Variants in ITGA6 observed in about 807,000 individuals in gnomAD.
ITGA6 encodes integrin subunit alpha 6, also known as integrin alpha-6.
In ITGA6, 63 loss-of-function variants were observed where a neutral mutation model predicts 133.6. The ratio of observed to expected loss-of-function variants is 0.47; its 90% confidence interval spans 0.38 to 0.58. ITGA6 has a LOEUF of 0.58. Among genes scored for constraint, ITGA6 ranks in the 20% least tolerant of loss-of-function variants. The pLI is 0.00. For synonymous variants in ITGA6, 434 were observed against 482.0 expected (o/e 0.90, Z 1.30); for missense variants, 1,068 against 1,309.4 (o/e 0.82, Z 2.85).
intron 1 of ITGA6, among the ~76,000 whole-genome samples, chr2:172,436,805 A>G (rs1196345946): frequency 6.6e-6 from 1 of 152,234 alleles, no homozygotes; most frequent in African/African-American, 2.4e-5. Context: ...AGCAAACAAA[A>G]TAGACAAAAT....
At chr2:172,468,881 T>A in intron 3 of ITGA6, 1 of 458,208 alleles carries the variant, frequency 2.2e-6, no homozygotes, top group Non-Finnish European at 3.9e-6. Context: ...GTCATTCAAT[T>A]TTGGATTGGA....
At chr2:172,476,364 A>T (rs767343742) in intron 8 of ITGA6, 31 bp from the exon 9 acceptor site, 9 of 1,115,888 alleles carry the variant, frequency 8.1e-6, no homozygotes, top group Admixed American at 5.0e-5. Context: ...GTGATAACCT[A>T]ATGTCCATTC....
At chr2:172,436,277 C>T (rs377539889) in intron 1 of ITGA6, among the ~76,000 whole-genome samples, 8 of 152,304 alleles carry the variant, frequency 5.3e-5, no homozygotes, top group African/African-American at 9.6e-5. Context: ...GGAGGACTTT[C>T]GGGAATCCCA....
At position 172,491,202 on chromosome 2, in the gene ITGA6, T is replaced by G; in HGVS notation, c.2779-19T>G. ...TCAGAACAATGTCTTTTGATGACCATTCTTCTTTTTCTCTCTAGAACTGTA... is the reference window on the plus strand; with the variant it reads ...TCAGAACAATGTCTTTTGATGACCAGTCTTCTTTTTCTCTCTAGAACTGTA... On this transcript the variant is annotated intron_variant, in intron 21 of 25. Coordinates refer to ENST00000684293, the MANE Select transcript of ITGA6 (RefSeq NM_000210.4). This position sits in a 1 kb window ranked among gnomAD's most constrained non-coding sequence, Gnocchi z 4.4. 7.8e-6 allele frequency: 12 copies of G among 1,542,500 alleles called. No individual in the cohort carries two copies. The highest frequency in any genetic ancestry group is 1.1e-5 in the Non-Finnish European group (12 of 1,114,928).
chr2:172,481,428 T>G (rs1686435315), intron 11 of ITGA6, among the ~76,000 whole-genome samples: 1 of 152,230 alleles, frequency 6.6e-6, no homozygotes, highest in Non-Finnish European at 1.5e-5. Context: ...AAGTTTTATA[T>G]AACACTAATG....
At chr2:172,486,652 G>A (rs1238828563) in intron 13 of ITGA6, among the ~76,000 whole-genome samples, 1 of 152,138 alleles carries the variant, frequency 6.6e-6, no homozygotes, top group Non-Finnish European at 1.5e-5. Flanking sequence ...ACTTCTTATA[G>A]TAGCCCTATA....
chr2:172,467,499 G>A lies in ITGA6; in HGVS notation c.326G>A (p.Ser109Asn). The A allele has an allele frequency of 6.2e-7, 1 of 1,613,668 alleles. No homozygotes were observed. Among genetic ancestry groups the A allele is most frequent in the Non-Finnish European group, 8.5e-7 (1 of 1,179,676 alleles). ...FDNDADPTSE[S>N]KEDQWMGVTV... is the part of the protein sequence containing the mutation. ...TCTACAGCTGACCCCACGTCAGAAA[G>A]CAAGGAAGATCAGTGGATGGGGGTC... The change falls in exon 3 of 26, where the codon AGC (serine) becomes AAC (asparagine). Residue 109 changes from serine (S) to asparagine (N), a missense_variant. Transcript: ENST00000684293.
chr2:172,496,094 A>T (rs1687115416), intron 23 of ITGA6, among the ~76,000 whole-genome samples: 1 of 152,220 alleles, frequency 6.6e-6, no homozygotes, highest in Non-Finnish European at 1.5e-5. Flanking sequence ...GGCTAATTGA[A>T]ATCATCTATT....
rs11895564 is a variant in ITGA6 at position 172,475,080 on chromosome 2, G to A, written c.1138G>A (p.Ala380Thr). 466,212 of 1,593,052 alleles carry A rather than the reference G, an allele frequency of 0.29. 70,133 individuals are homozygous for A. Among genetic ancestry groups the A allele is most frequent in the African/African-American group, 0.33 (24,873 of 74,548 alleles). Reference sequence around the variant, plus strand: ...AACCAAAGATTCTATGTTTGGCATTGCAGTAAAAAATATTGGAGATATTAA... The same window carrying A: ...AACCAAAGATTCTATGTTTGGCATTACAGTAAAAAATATTGGAGATATTAA... ...NGTKDSMFGI[A>T]VKNIGDINQD... is the part of the protein sequence containing the mutation. The change falls in exon 7 of 26, where the codon GCA becomes ACA. Residue 380 changes from alanine (A) to threonine (T), a missense_variant. Ala to Thr is a moderately conservative substitution (Grantham distance 58). Coordinates refer to ENST00000684293, the MANE Select transcript of ITGA6 (RefSeq NM_000210.4).
chr2:172,493,534 T>A (rs1010124421), intron 23 of ITGA6, among the ~76,000 whole-genome samples: 7 of 152,066 alleles, frequency 4.6e-5, no homozygotes, highest in Non-Finnish European at 1.0e-4. Context: ...TCATTCAAAC[T>A]TCAGAAGAAT....
chr2:172,496,265 G>C (rs1687124422), intron 23 of ITGA6, among the ~76,000 whole-genome samples: 1 of 152,312 alleles, frequency 6.6e-6, no homozygotes, highest in South Asian at 2.1e-4. Context: ...TGAGCCACGA[G>C]GCCACCTTGG....
At chr2:172,450,400 T>C (rs1684937690) in intron 1 of ITGA6, among the ~76,000 whole-genome samples, 1 of 151,846 alleles carries the variant, frequency 6.6e-6, no homozygotes, top group Non-Finnish European at 1.5e-5. Context: ...GTTTTAGGAG[T>C]TTGCAGGAGC....
Position 172,491,165 on chromosome 2 carries a change from G to A in ITGA6, c.2778+43G>A. The A allele has an allele frequency of 7.3e-7, 1 of 1,374,018 alleles. No individual in the cohort carries two copies. Among genetic ancestry groups the A allele is most frequent in the Non-Finnish European group, 1.0e-6 (1 of 961,204 alleles). 85.1% of individuals were successfully genotyped at this position (1,374,018 alleles called of 1,614,324 possible). Reference sequence around the variant, plus strand: ...GCTGTGAATATTTGAGAGGATGAGGGGAAGGATTTCTTCAGAACAATGTCT... The same window carrying A: ...GCTGTGAATATTTGAGAGGATGAGGAGAAGGATTTCTTCAGAACAATGTCT... On this transcript the variant is annotated intron_variant, in intron 21 of 25. Coordinates refer to ENST00000684293, the MANE Select transcript of ITGA6 (RefSeq NM_000210.4). This position sits in a 1 kb window ranked among gnomAD's most constrained non-coding sequence, Gnocchi z 4.4.
chr2:172,428,044 T>G (rs1683933042), intron 1 of ITGA6, 74 bp downstream of exon 1: 22 of 1,482,762 alleles, frequency 1.5e-5, no homozygotes, highest in Non-Finnish European at 2.0e-5. Flanking sequence ...GCGCGCCCTG[T>G]TCCCGCCGGC....
chr2:172,450,548 G>A (rs192922075), intron 1 of ITGA6, among the ~76,000 whole-genome samples: 28 of 152,282 alleles, frequency 1.8e-4, no homozygotes, highest in African/African-American at 6.7e-4. Context: ...TGGAGGTAGA[G>A]CCTGTAGACT....
intron 1 of ITGA6, among the ~76,000 whole-genome samples, chr2:172,433,671 G>C (rs896453502): frequency 6.6e-6 from 1 of 152,114 alleles, no homozygotes; most frequent in African/African-American, 2.4e-5. Context: ...CCTGCTTCCC[G>C]GCCTGTGCTG....
chr2:172,491,245 G>A lies in ITGA6; in HGVS notation c.2803G>A (p.Val935Met). 1.9e-6 allele frequency: 3 copies of A among 1,611,824 alleles called. No homozygotes were observed. Among genetic ancestry groups the A allele is most frequent in the Non-Finnish European group, 2.5e-6 (3 of 1,177,940 alleles). ...GAACTGTAGCGTGAACGTGAACTGT[G>A]TGAACATCAGATGCCCGCTGCGGGG... ...TLNCSVNVNC[V>M]NIRCPLRGLD... The change falls in exon 22 of 26, where the codon GTG (valine) becomes ATG (methionine). Residue 935 changes from valine to methionine, a missense_variant. Physicochemically the swap from Val to Met is conservative, Grantham distance 21. Transcript: ENST00000684293. The surrounding 1 kb of genome is among the most constrained non-coding windows in gnomAD (Gnocchi z 4.4).
At chr2:172,502,506 G>A (rs6732437) in intron 25 of ITGA6, among the ~76,000 whole-genome samples, 151,549 of 152,322 alleles carry the variant, frequency 0.99, 75,394 homozygotes, top group Middle Eastern at 1. Context: ...TTTCCTGCAT[G>A]TCTCCTACAG....
At position 172,501,911 on chromosome 2, in the gene ITGA6, C is replaced by G. The variant is rs532435481; in HGVS notation, c.*22+10C>G. On this transcript the variant is annotated intron_variant, in intron 25 of 25. Coordinates refer to ENST00000684293, the MANE Select transcript of ITGA6 (RefSeq NM_000210.4). ...TCTACTTCTGTAATTGGTAATTGAT[C>G]AATGTTTTTTAATTGCTAGCTGTGG... is the stretch of plus-strand genomic sequence containing the variant. 1.9e-6 allele frequency: 3 copies of G among 1,608,400 alleles called. No homozygotes were observed. In the East Asian group the frequency reaches 6.7e-5, roughly 36 times the overall value.
Sources: gnomAD v4.1 joint callset for allele counts (sites outside exome capture counted in the v4.1 genomes callset) on GRCh38, gnomAD v4.1.1 for gene constraint, Gnocchi (gnomAD v3.1) non-coding constraint, MANE v1.5 for transcripts, NCBI Gene and HGNC (gene_info 2026-07-23, HGNC 2026-07-21) for gene names.